PDE1C: variants seen among roughly 807,000 people sequenced by gnomAD.
PDE1C encodes the protein dual specificity calcium/calmodulin-dependent 3',5'-cyclic nucleotide phosphodiesterase 1C.
Under a neutral mutation model 93.1 loss-of-function variants are expected in PDE1C, and 62 were observed. That is an observed-to-expected ratio of 0.67 (90% confidence interval 0.54 to 0.82). The LOEUF (loss-of-function observed/expected upper bound fraction) is 0.82. Ranked by LOEUF, PDE1C falls within the 40% of genes least tolerant of loss-of-function variation. PDE1C has a pLI of 0.00. For missense variants in PDE1C, 742 were observed against 884.6 expected, an observed-to-expected ratio of 0.84 and a Z score of 2.04; for synonymous variants, 325 against 310.1, an observed-to-expected ratio of 1.05 and a Z score of -0.50.
Position 31,753,457 on chromosome 7 carries a change from C to T in PDE1C, c.2057G>A (p.Arg686Lys). ...VSKKTDEHPA[R>K]YKMLDQRIKM... ...GATCCTCTGATCCAGCATCTTGTAC[C>T]TTGCAGGATGCTCATCAGTTTTCTT... The change falls in exon 18 of 18, where the codon AGG becomes AAG. Residue 686 changes from arginine to lysine, a missense_variant. Arg to Lys is a conservative substitution (Grantham distance 26). Coordinates refer to ENST00000396191, the MANE Select transcript of PDE1C (RefSeq NM_001191057.4). The T allele has an allele frequency of 6.2e-7, 1 of 1,612,376 alleles. No homozygotes were observed. The highest frequency in any genetic ancestry group is 1.7e-5 in the Admixed American group (1 of 59,968).
intron 2 of PDE1C, among the ~76,000 whole-genome samples, chr7:32,202,721 G>A (rs1429801415): frequency 6.6e-6 from 1 of 152,144 alleles, no homozygotes; most frequent in Admixed American, 6.5e-5. Context: ...ATGTGTCACA[G>A]GTCACTGGGG....
Position 31,815,946 on chromosome 7 carries a change from T to C in PDE1C, c.1791A>G (p.Ser597=), listed in dbSNP as rs758869352. 6.2e-7 allele frequency: 1 copy of C among 1,613,222 alleles called. No homozygotes were observed. Among genetic ancestry groups the C allele is most frequent in the Non-Finnish European group, 8.5e-7 (1 of 1,179,210 alleles). ...CACCATTCTGTTGCTGTTCTCCTGA[T>C]GACTTCTCGGCTTTGGAGTTTTTCC... is the stretch of plus-strand genomic sequence containing the variant. ...PRGKNSKAEK[S]SGEQQQNGDF... is the part of the protein sequence containing the mutation. The change falls in exon 15 of 18, where the codon TCA becomes TCG. Residue 597 remains serine (S), a synonymous_variant. Coordinates refer to ENST00000396191, the MANE Select transcript of PDE1C (RefSeq NM_001191057.4).
chr7:31,970,476 G>A (rs1265862213), intron 2 of PDE1C, among the ~76,000 whole-genome samples: 1 of 152,134 alleles, frequency 6.6e-6, no homozygotes, highest in Non-Finnish European at 1.5e-5. Flanking sequence ...ATATGGGAAA[G>A]CCAAAAAACG....
chr7:31,922,350 T>A (rs1802736418), intron 2 of PDE1C, among the ~76,000 whole-genome samples: 1 of 152,206 alleles, frequency 6.6e-6, no homozygotes, highest in Non-Finnish European at 1.5e-5. Flanking sequence ...AGGTTTTGCT[T>A]ATAATTTAAC....
At chr7:31,896,590 A>T (rs921215429) in intron 2 of PDE1C, among the ~76,000 whole-genome samples, 1 of 152,334 alleles carries the variant, frequency 6.6e-6, no homozygotes, top group African/African-American at 2.4e-5. Flanking sequence ...GGAAAAAAAG[A>T]CAGAAGATCT....
chr7:32,385,524 T>C (rs891502807), intron 1 of PDE1C, among the ~76,000 whole-genome samples: 1 of 152,134 alleles, frequency 6.6e-6, no homozygotes, highest in South Asian at 2.1e-4. Context: ...GCAAGCATGA[T>C]TGGGACCTGC....
At chr7:32,235,965 T>A (rs1489764523) in intron 1 of PDE1C, among the ~76,000 whole-genome samples, 1 of 152,040 alleles carries the variant, frequency 6.6e-6, no homozygotes, top group African/African-American at 2.4e-5. Context: ...CAGAACAGAA[T>A]AGAAAGTCCA....
At chr7:32,293,754 G>A (rs946593692) in intron 1 of PDE1C, among the ~76,000 whole-genome samples, 2 of 152,122 alleles carry the variant, frequency 1.3e-5, no homozygotes, top group African/African-American at 4.8e-5. Flanking sequence ...GAGAGAAGTA[G>A]GTCCATGAGC....
chr7:31,766,035 C>A (rs1240640481), intron 17 of PDE1C, among the ~76,000 whole-genome samples: 1 of 151,052 alleles, frequency 6.6e-6, no homozygotes, highest in East Asian at 1.9e-4. Flanking sequence ...TGACATAATA[C>A]ATGTTAAGGA....
At chr7:31,843,196 A>G (rs1025626919) in intron 9 of PDE1C, among the ~76,000 whole-genome samples, 1 of 151,988 alleles carries the variant, frequency 6.6e-6, no homozygotes, top group Non-Finnish European at 1.5e-5. Context: ...ATGGTGTTCT[A>G]TAAATATTAA....
intron 3 of PDE1C, 80 bp from the exon 4 acceptor site, chr7:31,879,258 T>C: frequency 7.3e-7 from 1 of 1,361,894 alleles, no homozygotes; most frequent in Non-Finnish European, 1.0e-6. Flanking sequence ...TGCTCCTCTC[T>C]GCCTCACCTG....
At chr7:31,980,450 G>A (rs1312277071) in intron 2 of PDE1C, among the ~76,000 whole-genome samples, 2 of 152,100 alleles carry the variant, frequency 1.3e-5, no homozygotes, top group African/African-American at 2.4e-5. Flanking sequence ...TGAATTCCAA[G>A]GGCTTCAGTA....
chr7:31,985,097 C>T (rs1783195024), intron 2 of PDE1C, among the ~76,000 whole-genome samples: 1 of 152,122 alleles, frequency 6.6e-6, no homozygotes, highest in Admixed American at 6.5e-5. Context: ...ATCCAGACAC[C>T]ATCAAGCCAT....
chr7:32,219,818 G>A (rs931218159), intron 1 of PDE1C, among the ~76,000 whole-genome samples: 1 of 152,206 alleles, frequency 6.6e-6, no homozygotes, highest in Non-Finnish European at 1.5e-5. Context: ...TATTGATATG[G>A]TTTGGCTGTG....
At chr7:31,619,829 G>T in the PDE1C span, among the ~76,000 whole-genome samples, 1 of 152,174 alleles carries the variant, frequency 6.6e-6, no homozygotes, top group African/African-American at 2.4e-5. Flanking sequence ...GAAGCGCAAG[G>T]GGTCAGGGAG....
At chr7:31,657,005 T>A in the PDE1C span, among the ~76,000 whole-genome samples, 2 of 149,654 alleles carry the variant, frequency 1.3e-5, no homozygotes, top group Admixed American at 6.7e-5. Flanking sequence ...ATTATACCAC[T>A]GGCTTTCCTG....
intron 2 of PDE1C, among the ~76,000 whole-genome samples, chr7:31,998,168 T>C (rs531949560): frequency 1.7e-3 from 253 of 152,072 alleles, no homozygotes; most frequent in Non-Finnish European, 2.3e-3. Flanking sequence ...TACAGGTGCC[T>C]GCCACTATGC....
chr7:31,739,831 C>T, the PDE1C span, among the ~76,000 whole-genome samples: 1 of 152,142 alleles, frequency 6.6e-6, no homozygotes, highest in Non-Finnish European at 1.5e-5. Context: ...AATTAGGCAC[C>T]CAAAATGGTG....
At chr7:31,973,580 T>C (rs990851065) in intron 2 of PDE1C, among the ~76,000 whole-genome samples, 1 of 152,216 alleles carries the variant, frequency 6.6e-6, no homozygotes, top group Non-Finnish European at 1.5e-5. Flanking sequence ...ATGTGTTAGA[T>C]ACAAGCCCTT....
Sources: allele counts gnomAD v4.1 joint callset (sites outside exome capture counted in the v4.1 genomes callset), GRCh38; gene constraint gnomAD v4.1.1; transcripts MANE v1.5; gene names NCBI Gene and HGNC (gene_info 2026-07-23, HGNC 2026-07-21).